DMD: variants seen among roughly 807,000 people sequenced by gnomAD.
DMD encodes mutant dystrophin.
DMD carries 63 observed loss-of-function variants against 330.1 expected under a neutral mutation model. The ratio of observed to expected loss-of-function variants is 0.19; its 90% CI spans 0.16 to 0.24. DMD has a LOEUF of 0.24. DMD is among the 10% of genes least tolerant of loss of function. The pLI is 1.00. For missense variants in DMD, 3,344 were observed against 2,684.1 expected (o/e 1.25, Z -5.43); for synonymous variants, 1,223 against 959.8 (o/e 1.27, Z -5.07).
intron 7 of DMD, among the ~76,000 whole-genome samples, chrX:32,712,105 AAATT>A (rs2065240503): frequency 8.9e-6 from 1 of 112,099 alleles, no homozygotes; most frequent in African/African-American, 3.2e-5. Flanking sequence ...GTGAACTTCA[AAATT>A]AATTTCAGTA....
intron 44 of DMD, among the ~76,000 whole-genome samples, chrX:32,017,228 T>C (rs2095768795): frequency 9.0e-6 from 1 of 111,715 alleles, no homozygotes; most frequent in South Asian, 3.7e-4. Flanking sequence ...AAGGGAAAAA[T>C]ACAATTACCA....
chrX:32,204,834 A>T (rs2097056782), intron 44 of DMD, among the ~76,000 whole-genome samples: 1 of 108,870 alleles, frequency 9.2e-6, no homozygotes, highest in East Asian at 2.9e-4. Context: ...AAACAACCAC[A>T]TATAGCATGA....
At chrX:33,002,407 T>C (rs2093301289) in intron 2 of DMD, among the ~76,000 whole-genome samples, 1 of 111,017 alleles carries the variant, frequency 9.0e-6, no homozygotes, top group Non-Finnish European at 1.9e-5. Context: ...GGGGTCCAAA[T>C]ACCCTCTACA....
rs1264110373 is a variant in DMD at position 31,680,886 on chromosome X, A to C, written c.7661-1300T>G. 1.8e-4 allele frequency among the ~76,000 whole-genome samples: 20 copies of C among 112,238 alleles called. No individual in the cohort carries two copies. In the Admixed American group the frequency reaches 1.9e-3, roughly 11 times the overall value. On this transcript the variant is annotated intron_variant, in intron 52 of 78. Transcript: ENST00000357033. ...TCTAAGCTGGTTTTATGAAATAAAA[A>C]TAATACAGAAAACAAGTAATAAAAC... is the stretch of plus-strand genomic sequence containing the variant.
intron 13 of DMD, among the ~76,000 whole-genome samples, chrX:32,589,638 T>C (rs1273649312): frequency 1.8e-5 from 2 of 111,421 alleles, no homozygotes; most frequent in African/African-American, 6.5e-5. Flanking sequence ...ACCCTTTGTA[T>C]CTCAAACTAA....
intron 17 of DMD, among the ~76,000 whole-genome samples, chrX:32,537,805 T>C (rs1363790892): frequency 8.9e-6 from 1 of 112,494 alleles, no homozygotes; most frequent in Non-Finnish European, 1.9e-5. Context: ...AACAAAATTA[T>C]ATGTAACAGC....
chrX:32,543,858 T>A (rs769164570), intron 17 of DMD, among the ~76,000 whole-genome samples: 187 of 111,937 alleles, frequency 1.7e-3, no homozygotes, highest in Non-Finnish European at 2.7e-3. Flanking sequence ...TTGTGGACTA[T>A]ACAGTTTGTG....
At chrX:33,010,120 G>C (rs187236649) in intron 2 of DMD, among the ~76,000 whole-genome samples, 11 of 90,792 alleles carry the variant, frequency 1.2e-4, no homozygotes, top group African/African-American at 5.1e-4. Context: ...ATGTGCACAT[G>C]TGTGTATATA....
chrX:32,139,691 G>A (rs997163291), intron 44 of DMD, among the ~76,000 whole-genome samples: 1 of 112,038 alleles, frequency 8.9e-6, no homozygotes, highest in African/African-American at 3.2e-5. Context: ...GTAATATACT[G>A]TATTTGGTTA....
rs759825545 is a variant in DMD, at chrX:33,337,530, TA to T, written c.7+1728del. ...TAATCAGAGTGCCTGAACCACATTA[TA>T]AAAAAAAATTCTTTGCTGCTAAAAT... On this transcript the variant is annotated intron_variant, in intron 1 of 17. Transcript: ENST00000288447. Among the ~76,000 whole-genome samples the T allele has an allele frequency of 4.2e-4, 47 of 110,862 alleles. 1 individual carries two copies. The South Asian group carries it at 0.014, about 33-fold the overall frequency.
At chrX:32,950,481 T>C (rs773181619) in intron 2 of DMD, among the ~76,000 whole-genome samples, 85 of 110,660 alleles carry the variant, frequency 7.7e-4, no homozygotes, top group African/African-American at 2.7e-3. Context: ...AGAAGGACAT[T>C]GGAGACTGTA....
At chrX:32,599,674 TATA>T (rs2055967579) in intron 12 of DMD, among the ~76,000 whole-genome samples, 1 of 111,813 alleles carries the variant, frequency 8.9e-6, no homozygotes, top group Non-Finnish European at 1.9e-5. Context: ...AATATTGTAA[TATA>T]ATATTGTTAA....
In DMD at chrX:33,211,430, A is replaced by G. The variant is rs2051908600; in HGVS notation, c.-118T>C. ...CCAACAAACTTCAGCAGCTTTAAAAAAAGTAACACTTCAGTTTTTCCTATT... is the reference window on the plus strand; with the variant it reads ...CCAACAAACTTCAGCAGCTTTAAAAGAAGTAACACTTCAGTTTTTCCTATT... On this transcript the variant is annotated 5_prime_UTR_variant, in exon 1 of 79. Coordinates refer to ENST00000357033, the MANE Select transcript of DMD (RefSeq NM_004006.3). 1.7e-6 allele frequency: 2 copies of G among 1,156,652 alleles called. No individual in the cohort carries two copies. The highest frequency in any genetic ancestry group is 1.2e-6 in the Non-Finnish European group (1 of 867,262).
chrX:31,266,722 G>A (rs2051165544), intron 62 of DMD: 1 of 990,807 alleles, frequency 1.0e-6, no homozygotes, highest in African/African-American at 1.9e-5. Context: ...GCCTGTCCAA[G>A]TTTTGACCGC....
intron 42 of DMD, among the ~76,000 whole-genome samples, chrX:32,299,336 C>T (rs1206474204): frequency 1.8e-5 from 2 of 110,707 alleles, no homozygotes; most frequent in African/African-American, 6.6e-5. Context: ...CACTTTCAAG[C>T]CCATCTTTTA....
At position 31,775,914 on chromosome X, in the gene DMD, G is replaced by A. The variant is rs551874039; in HGVS notation, c.7310-1722C>T. On this transcript the variant is annotated intron_variant, in intron 50 of 78. Transcript: ENST00000357033. ...AAAAAATAGTGTTTTAATTGTCAGA[G>A]AGAATAAAAAAATTTGTGTCACGAA... Among the ~76,000 whole-genome samples the A allele has an allele frequency of 7.2e-5, 8 of 111,812 alleles. No homozygotes were observed. The South Asian group carries it at 3.0e-3, about 42-fold the overall frequency.
chrX:32,959,547 A>T (rs2091788584), intron 2 of DMD, among the ~76,000 whole-genome samples: 1 of 111,022 alleles, frequency 9.0e-6, no homozygotes, highest in African/African-American at 3.3e-5. Context: ...ATCGGGCTAC[A>T]TCTCTCCAAA....
intron 29 of DMD, among the ~76,000 whole-genome samples, chrX:32,434,999 T>C (rs2098253901): frequency 1.0e-5 from 1 of 99,173 alleles, no homozygotes; most frequent in Non-Finnish European, 2.1e-5. Context: ...TGATAATAGT[T>C]TCAAGTTTAC....
At chrX:32,622,812 G>A (rs967562614) in intron 11 of DMD, among the ~76,000 whole-genome samples, 1 of 111,582 alleles carries the variant, frequency 9.0e-6, no homozygotes, top group African/African-American at 3.3e-5. Flanking sequence ...TATGGATACA[G>A]CCCACCTGGT....
Sources: gnomAD v4.1 joint callset for allele counts (sites outside exome capture counted in the v4.1 genomes callset) on GRCh38, gnomAD v4.1.1 for gene constraint, MANE v1.5 for transcripts, NCBI Gene and HGNC (gene_info 2026-07-23, HGNC 2026-07-21) for gene names.